The following MB21D2 variants were observed in gnomAD, a reference collection of about 807,000 sequenced individuals.
The protein encoded by MB21D2 is Mab-21 domain containing 2.
Under a neutral mutation model 33.3 loss-of-function variants are expected in MB21D2, and 9 were observed. The observed-to-expected ratio is 0.27, with a 90% confidence interval of 0.16 to 0.47. The LOEUF (loss-of-function observed/expected upper bound fraction) is 0.47, where lower values mean the gene tolerates loss of function less well. MB21D2 is among the 20% of genes least tolerant of loss of function. The pLI is 0.99. For synonymous variants in MB21D2, 241 were observed against 236.3 expected (o/e 1.02, Z -0.18); for missense variants, 540 against 624.6 (o/e 0.86, Z 1.44).
rs1304720629 is a variant in MB21D2, at chr3:192,811,028, C to T, written c.212-11378G>A. On this transcript the variant is annotated intron_variant, in intron 1 of 1. Transcript: ENST00000392452. Reference sequence around the variant, plus strand: ...AGCCCCTCTCCTCAAGTGCCAGTGACTCTGCCCCTCTGCCTAAGGGCATTC... The same window carrying T: ...AGCCCCTCTCCTCAAGTGCCAGTGATTCTGCCCCTCTGCCTAAGGGCATTC... Among the ~76,000 whole-genome samples the T allele has an allele frequency of 2.0e-5, 3 of 152,180 alleles. No individual in the cohort carries two copies. The East Asian group carries it at 5.8e-4, about 29-fold the overall frequency.
intron 1 of MB21D2, among the ~76,000 whole-genome samples, chr3:192,833,174 CA>C (rs1266579620): frequency 6.6e-6 from 1 of 152,108 alleles, no homozygotes; most frequent in African/African-American, 2.4e-5. Flanking sequence ...TTCAGTTGCT[CA>C]GGTTGTCTCC....
chr3:192,917,795 AGCCCAGGGAGGCT>A lies in MB21D2; in HGVS notation c.33_45del (p.Ala12ValfsTer21). 2 of 1,612,848 alleles carry A rather than the reference AGCCCAGGGAGGCT, an allele frequency of 1.2e-6. No individual in the cohort carries two copies. The highest frequency in any genetic ancestry group is 1.7e-6 in the Non-Finnish European group (2 of 1,179,712). The stretch of plus-strand genomic sequence containing the variant: ...TCCGGGAACGCAGGCTTGTTGTTAC[AGCCCAGGGAGGCT>A]GCCTTGTTGGCGGTGGGAGCCGCCA... On this transcript the variant is annotated frameshift_variant, in exon 1 of 2. Coordinates refer to ENST00000392452, the MANE Select transcript of MB21D2 (RefSeq NM_178496.4). LOFTEE classifies it high-confidence loss of function.
chr3:192,876,232 T>G (rs1303876869), intron 1 of MB21D2, among the ~76,000 whole-genome samples: 3 of 152,222 alleles, frequency 2.0e-5, no homozygotes, highest in African/African-American at 7.2e-5. Context: ...TTGCTTCCTT[T>G]GGCTCTCTGT....
At chr3:192,801,225 T>C (rs1468783307) in intron 1 of MB21D2, among the ~76,000 whole-genome samples, 1 of 152,206 alleles carries the variant, frequency 6.6e-6, no homozygotes, top group Non-Finnish European at 1.5e-5. Flanking sequence ...AAACAACATA[T>C]ACATTTTCCC....
intron 1 of MB21D2, among the ~76,000 whole-genome samples, chr3:192,891,956 C>A (rs1178633171): frequency 6.6e-6 from 1 of 152,088 alleles, no homozygotes; most frequent in Non-Finnish European, 1.5e-5. Flanking sequence ...CCCACCTGCA[C>A]TTTTACTGCT....
chr3:192,799,972 G>GA lies in MB21D2; in HGVS notation c.212-323dup, dbSNP rs1240932893. 2.6e-5 allele frequency among the ~76,000 whole-genome samples: 4 copies of GA among 152,270 alleles called. No individual in the cohort carries two copies. Among genetic ancestry groups the GA allele is most frequent in the African/African-American group, 9.6e-5 (4 of 41,564 alleles). On this transcript the variant is annotated intron_variant, in intron 1 of 1. Transcript: ENST00000392452. The surrounding 1 kb of genome is among the most constrained non-coding windows in gnomAD (Gnocchi z 4.1). ...TGCCATCCACTCAGTTATGCAGACT[G>GA]AAAACCTCAGTACATTTCAACTCTT...
chr3:192,894,158 T>C (rs1713915145), intron 1 of MB21D2, among the ~76,000 whole-genome samples: 1 of 152,100 alleles, frequency 6.6e-6, no homozygotes, highest in African/African-American at 2.4e-5. Flanking sequence ...AGACAGAGTC[T>C]CGCTCTGTCA....
At chr3:192,882,026 G>A (rs1175843554) in intron 1 of MB21D2, among the ~76,000 whole-genome samples, 1 of 152,124 alleles carries the variant, frequency 6.6e-6, no homozygotes, top group South Asian at 2.1e-4. Context: ...TTCCTTTATA[G>A]GACGGAATAG....
intron 1 of MB21D2, among the ~76,000 whole-genome samples, chr3:192,905,452 C>A (rs1424560468): frequency 1.3e-5 from 2 of 151,822 alleles, no homozygotes; most frequent in Non-Finnish European, 2.9e-5. Flanking sequence ...GCCTGACCAA[C>A]ATGGTGAAAC....
chr3:192,884,161 G>A (rs979864197), intron 1 of MB21D2, among the ~76,000 whole-genome samples: 4 of 152,210 alleles, frequency 2.6e-5, no homozygotes, highest in Admixed American at 2.0e-4. Flanking sequence ...TGTTGACGTG[G>A]TGATGTAAAA....
chr3:192,814,671 G>A (rs1050423411), intron 1 of MB21D2, among the ~76,000 whole-genome samples: 1 of 151,826 alleles, frequency 6.6e-6, no homozygotes, highest in Non-Finnish European at 1.5e-5. Flanking sequence ...GACCATCCTG[G>A]CTAACACGGT....
chr3:192,910,047 T>G (rs996275670), intron 1 of MB21D2, among the ~76,000 whole-genome samples: 1 of 147,514 alleles, frequency 6.8e-6, no homozygotes, highest in Admixed American at 6.8e-5. Flanking sequence ...TACATGACAA[T>G]GTAGAACATG....
chr3:192,860,457 G>A (rs1341895449), intron 1 of MB21D2, among the ~76,000 whole-genome samples: 1 of 152,146 alleles, frequency 6.6e-6, no homozygotes, highest in Non-Finnish European at 1.5e-5. Flanking sequence ...AAGGAGAAAT[G>A]TCATTAGCAT....
intron 1 of MB21D2, among the ~76,000 whole-genome samples, chr3:192,832,897 T>C (rs111529112): frequency 4.9e-4 from 74 of 152,356 alleles, no homozygotes; most frequent in African/African-American, 1.7e-3. Flanking sequence ...CTTTTTTGCA[T>C]AGACTGCCAG....
intron 1 of MB21D2, among the ~76,000 whole-genome samples, chr3:192,844,980 G>C (rs1213077818): frequency 2.0e-5 from 3 of 151,972 alleles, no homozygotes; most frequent in Non-Finnish European, 2.9e-5. Flanking sequence ...TGCCCCTTTC[G>C]TTCCCACTTG....
At chr3:192,836,250 A>G (rs1165925541) in intron 1 of MB21D2, among the ~76,000 whole-genome samples, 1 of 152,178 alleles carries the variant, frequency 6.6e-6, no homozygotes, top group African/African-American at 2.4e-5. Context: ...AAATGTCTTT[A>G]GGGAGTTCAC....
chr3:192,888,811 T>C (rs1338062801), intron 1 of MB21D2, among the ~76,000 whole-genome samples: 2 of 152,118 alleles, frequency 1.3e-5, no homozygotes, highest in Non-Finnish European at 2.9e-5. Context: ...TCCTAAAATG[T>C]TAATTCTTAG....
At chr3:192,872,386 C>T (rs978604685) in intron 1 of MB21D2, among the ~76,000 whole-genome samples, 2 of 152,008 alleles carry the variant, frequency 1.3e-5, no homozygotes, top group African/African-American at 4.8e-5. Context: ...ACCATCATGG[C>T]GAACACGGTG....
In MB21D2 at chr3:192,892,671, G is replaced by T. The variant is rs370307064; in HGVS notation, c.211+24959C>A. 2.4e-4 allele frequency among the ~76,000 whole-genome samples: 37 copies of T among 152,194 alleles called. 1 individual carries two copies. The South Asian group carries it at 7.1e-3, about 29-fold the overall frequency. On this transcript the variant is annotated intron_variant, in intron 1 of 1. Coordinates refer to ENST00000392452, the MANE Select transcript of MB21D2 (RefSeq NM_178496.4). The stretch of plus-strand genomic sequence containing the variant: ...TTGGCCAGGCCGGTCTCGAACTCCT[G>T]ACCTCAGGTGATCTGCCTGCCTCGG...
Sources: allele counts gnomAD v4.1 joint callset (sites outside exome capture counted in the v4.1 genomes callset), GRCh38; gene constraint gnomAD v4.1.1; non-coding constraint Gnocchi (gnomAD v3.1); transcripts MANE v1.5; gene names NCBI Gene and HGNC (gene_info 2026-07-23, HGNC 2026-07-21).